The following TNRC6A variants were observed in gnomAD, a reference collection of about 807,000 sequenced individuals.
TNRC6A encodes trinucleotide repeat containing adaptor 6A, also known as trinucleotide repeat-containing gene 6A protein.
TNRC6A carries 44 observed loss-of-function variants against 221.2 expected under a neutral mutation model. The ratio of observed to expected loss-of-function variants is 0.20; its 90% CI spans 0.16 to 0.26. The LOEUF (loss-of-function observed/expected upper bound fraction) is 0.26, where lower values mean the gene tolerates loss of function less well. Among genes scored for constraint, TNRC6A ranks in the 10% least tolerant of loss-of-function variants. The pLI, the probability that TNRC6A is intolerant of heterozygous loss-of-function variation, is 1.00. For synonymous variants in TNRC6A, 847 were observed against 838.5 expected (o/e 1.01, Z -0.18); for missense variants, 2,199 against 2,404.4 (o/e 0.91, Z 1.79).
chr16:24,665,264 G>A (rs1444364245), intron 2 of TNRC6A, among the ~76,000 whole-genome samples: 5 of 151,766 alleles, frequency 3.3e-5, no homozygotes, highest in Non-Finnish European at 5.9e-5. Context: ...TTATAGACAC[G>A]GGATCTTGCT....
intron 2 of TNRC6A, among the ~76,000 whole-genome samples, chr16:24,667,091 G>A (rs1411564839): frequency 6.6e-6 from 1 of 151,958 alleles, no homozygotes; most frequent in African/African-American, 2.4e-5. Context: ...ACTCCAGCCT[G>A]GGTGACAGAG....
rs777537905 is a variant in TNRC6A, at chr16:24,679,723, C to G, written n.402+38714C>G. On this transcript the variant is annotated intron_variant and non_coding_transcript_variant, in intron 2 of 2. Transcript: ENST00000566108. ...AACTCCTGAGCTCAGGCAATCCACCCGCCTCGGCCTCCCAAAGTGCTAGGA... is the reference window on the plus strand; with the variant it reads ...AACTCCTGAGCTCAGGCAATCCACCGGCCTCGGCCTCCCAAAGTGCTAGGA... Among the ~76,000 whole-genome samples the G allele has an allele frequency of 1.4e-4, 22 of 152,192 alleles. No individual in the cohort carries two copies. In the East Asian group the frequency reaches 2.1e-3, roughly 15 times the overall value.
At chr16:24,815,445 G>C (rs1237231135) in intron 19 of TNRC6A, 140 bp downstream of exon 19, 1 of 996,496 alleles carries the variant, frequency 1.0e-6, no homozygotes, top group Admixed American at 2.0e-5. Context: ...AGAAGTGATT[G>C]AGGAAAAGTT....
intron 2 of TNRC6A, among the ~76,000 whole-genome samples, chr16:24,666,136 G>A (rs749999173): frequency 7.2e-5 from 11 of 151,988 alleles, no homozygotes; most frequent in Non-Finnish European, 1.6e-4. Flanking sequence ...AGACCAGCTG[G>A]GGCAGCATAG....
intron 2 of TNRC6A, among the ~76,000 whole-genome samples, chr16:24,715,086 C>T (rs1767237708): frequency 1.3e-5 from 2 of 151,942 alleles, no homozygotes; most frequent in African/African-American, 4.8e-5. Flanking sequence ...CCGTGTTAGC[C>T]AGGATGGTCT....
At chr16:24,712,394 A>T (rs932023427) in intron 2 of TNRC6A, among the ~76,000 whole-genome samples, 2 of 152,198 alleles carry the variant, frequency 1.3e-5, no homozygotes, top group African/African-American at 4.8e-5. Context: ...AAACAATAGC[A>T]TACCCCTTGG....
At chr16:24,669,670 C>A (rs1387836416) in intron 2 of TNRC6A, among the ~76,000 whole-genome samples, 2 of 151,984 alleles carry the variant, frequency 1.3e-5, no homozygotes, top group African/African-American at 4.8e-5. Context: ...ACTCCAGTAC[C>A]ATTCGTGGGA....
chr16:24,794,870 T>A, intron 8 of TNRC6A, 151 bp downstream of exon 8: 1 of 584,284 alleles, frequency 1.7e-6, no homozygotes, highest in Non-Finnish European at 2.8e-6. Flanking sequence ...GGCAGCCACC[T>A]AGAGAAACAT....
intron 1 of TNRC6A, among the ~76,000 whole-genome samples, chr16:24,611,432 C>A (rs1192997004): frequency 6.6e-6 from 1 of 152,114 alleles, no homozygotes; most frequent in Admixed American, 6.6e-5. Flanking sequence ...TTCTTGGCTC[C>A]ACACCCCAGC....
chr16:24,717,554 C>A (rs1413798329), intron 2 of TNRC6A, among the ~76,000 whole-genome samples: 3 of 152,060 alleles, frequency 2.0e-5, no homozygotes, highest in Non-Finnish European at 2.9e-5. Flanking sequence ...GTGGATCTGG[C>A]GGCAGGCCCG....
intron 1 of TNRC6A, among the ~76,000 whole-genome samples, chr16:24,618,744 C>G (rs1900512191): frequency 6.7e-6 from 1 of 149,424 alleles, no homozygotes. Context: ...AGCCTCCCAC[C>G]TCAGCCTCCT....
At chr16:24,661,518 A>T (rs1323245353) in intron 2 of TNRC6A, 1 of 152,512 alleles carries the variant, frequency 6.6e-6, no homozygotes, top group Non-Finnish European at 1.5e-5. Context: ...GGTTCAAGCG[A>T]TTCTTCTGCC....
chr16:24,793,884 C>A (rs563451402), intron 7 of TNRC6A, among the ~76,000 whole-genome samples: 1 of 152,226 alleles, frequency 6.6e-6, no homozygotes, highest in Non-Finnish European at 1.5e-5. Flanking sequence ...GCATATACTT[C>A]ATCAAATCTA....
At chr16:24,748,161 A>G (rs553721059) in intron 2 of TNRC6A, among the ~76,000 whole-genome samples, 1 of 152,344 alleles carries the variant, frequency 6.6e-6, no homozygotes, top group African/African-American at 2.4e-5. Flanking sequence ...TCTTATAAAA[A>G]TATTAAGACA....
intron 14 of TNRC6A, 89 bp downstream of exon 14, chr16:24,805,240 TATC>T: frequency 6.6e-7 from 1 of 1,515,186 alleles, no homozygotes; most frequent in Non-Finnish European, 9.0e-7. Context: ...AACTAAGCAT[TATC>T]ATATTTATTG....
intron 5 of TNRC6A, among the ~76,000 whole-genome samples, chr16:24,788,232 A>G (rs2058016640): frequency 6.6e-6 from 1 of 152,242 alleles, no homozygotes; most frequent in Non-Finnish European, 1.5e-5. Context: ...TTTTGAGATC[A>G]TAATAATTCT....
intron 1 of TNRC6A, among the ~76,000 whole-genome samples, chr16:24,623,938 A>G (rs1283344644): frequency 6.7e-6 from 1 of 149,518 alleles, no homozygotes; most frequent in Non-Finnish European, 1.5e-5. Context: ...AAAGAATTTC[A>G]AGAGGATGGC....
intron 2 of TNRC6A, among the ~76,000 whole-genome samples, chr16:24,717,480 A>C (rs776883428): frequency 2.6e-5 from 4 of 152,204 alleles, no homozygotes; most frequent in Non-Finnish European, 5.9e-5. Context: ...ATGAATATCC[A>C]AAGGACCTAA....
At chr16:24,680,523 C>A (rs1170009612) in intron 2 of TNRC6A, among the ~76,000 whole-genome samples, 1 of 151,734 alleles carries the variant, frequency 6.6e-6, no homozygotes, top group East Asian at 1.9e-4. Flanking sequence ...TCAAGACCAG[C>A]CTCACCAACA....
Sources: allele counts gnomAD v4.1 joint callset (sites outside exome capture counted in the v4.1 genomes callset), GRCh38; gene constraint gnomAD v4.1.1; transcripts MANE v1.5; gene names NCBI Gene and HGNC (gene_info 2026-07-23, HGNC 2026-07-21).